The following COL9A1 variants were observed in gnomAD, a reference collection of about 807,000 sequenced individuals.
The protein encoded by COL9A1 is collagen alpha-1(IX) chain.
COL9A1 carries 104 observed loss-of-function variants against 142.6 expected under a neutral mutation model. That is an observed-to-expected ratio of 0.73 (90% confidence interval 0.62 to 0.86). The LOEUF is 0.86. Among genes scored for constraint, COL9A1 ranks in the 40% least tolerant of loss-of-function variants. COL9A1 has a pLI of 0.00. For missense variants in COL9A1, 1,210 were observed against 1,176.6 expected (o/e 1.03, Z -0.42); for synonymous variants, 466 against 396.0 (o/e 1.18, Z -2.10).
At chr6:70,291,436 T>C (rs928502591) in intron 5 of COL9A1, among the ~76,000 whole-genome samples, 1 of 151,870 alleles carries the variant, frequency 6.6e-6, no homozygotes, top group Non-Finnish European at 1.5e-5. Context: ...AGTGAGGAGA[T>C]TTTTTTCTAT....
rs1200057004 is a variant in COL9A1, at chr6:70,217,029, G to A, written c.2634C>T (p.Gly878=). Residue 878 remains glycine (G), a synonymous_variant, in exon 38 of 38, where the codon GGC becomes GGT. Coordinates refer to ENST00000357250, the MANE Select transcript of COL9A1 (RefSeq NM_001851.6). ...YGRNGRDGER[G]PPGVAGIPGV... ...CAGGAATTCCTGCCACCCCTGGGGG[G>A]CCTCGCTCACCGTCTCGGCCATTTC... The A allele has an allele frequency of 1.2e-6, 2 of 1,614,050 alleles. No homozygotes were observed. Among genetic ancestry groups the A allele is most frequent in the Non-Finnish European group, 1.7e-6 (2 of 1,180,050 alleles).
At position 70,283,753 on chromosome 6, in the gene COL9A1, A is replaced by C; in HGVS notation, c.764T>G (p.Leu255Arg). ...GGGACTCACCGTTATTCTGGCTGGCAGCTCATGGCAAGTTTCTCTCCTGGG... is the reference window on the plus strand; with the variant it reads ...GGGACTCACCGTTATTCTGGCTGGCCGCTCATGGCAAGTTTCTCTCCTGGG... Reference protein sequence around the residue: ...LRPRRETCHELPARITPSQTT... With the variant: ...LRPRRETCHERPARITPSQTT... Residue 255 changes from leucine (L) to arginine (R), a missense_variant, in exon 6 of 38, where the codon CTG becomes CGG. Leu to Arg is a moderately radical substitution (Grantham distance 102). Coordinates refer to ENST00000357250, the MANE Select transcript of COL9A1 (RefSeq NM_001851.6). The C allele has an allele frequency of 6.2e-7, 1 of 1,611,680 alleles. No homozygotes were observed. The highest frequency in any genetic ancestry group is 8.5e-7 in the Non-Finnish European group (1 of 1,179,068).
intron 28 of COL9A1, among the ~76,000 whole-genome samples, chr6:70,248,220 A>T (rs1184707285): frequency 1.3e-5 from 2 of 152,218 alleles, no homozygotes; most frequent in Non-Finnish European, 2.9e-5. Context: ...CACCCAGACC[A>T]GGTGAAAACC....
intron 19 of COL9A1, among the ~76,000 whole-genome samples, chr6:70,262,023 G>A (rs1583284704): frequency 1.3e-5 from 2 of 152,090 alleles, no homozygotes; most frequent in Non-Finnish European, 2.9e-5. Flanking sequence ...CTTGAGCCAC[G>A]CAGTACCCAA....
In COL9A1 at chr6:70,294,329, G is replaced by A. The variant is rs372014032; in HGVS notation, c.534C>T (p.Ser178=). ...CGCCAATCATGATCTTATGCCACTGGGAATCAAACAAGGAGGACAAATTCG... is the reference window on the plus strand; with the variant it reads ...CGCCAATCATGATCTTATGCCACTGAGAATCAAACAAGGAGGACAAATTCG... ...AFSNLSSLFD[S]QWHKIMIGVE... Residue 178 remains serine (S), a synonymous_variant, in exon 5 of 38, where the codon TCC becomes TCT. Transcript: ENST00000357250. 2.5e-6 allele frequency: 4 copies of A among 1,613,876 alleles called. No individual in the cohort carries two copies. The highest frequency in any genetic ancestry group is 1.1e-5 in the South Asian group (1 of 91,086).
intron 7 of COL9A1, 109 bp from the exon 8 acceptor site, chr6:70,281,573 A>T: frequency 2.4e-6 from 2 of 818,210 alleles, no homozygotes; most frequent in Non-Finnish European, 3.8e-6. Context: ...TACCTTCCAG[A>T]GGAGGCCGGG....
At chr6:70,252,197 A>C in intron 27 of COL9A1, 24 bp from the exon 28 acceptor site, 1 of 1,614,190 alleles carries the variant, frequency 6.2e-7, no homozygotes. Context: ...GGAAGGTAGA[A>C]AAAAAGTTAA....
At chr6:70,244,218 T>G (rs1290766963) in intron 28 of COL9A1, among the ~76,000 whole-genome samples, 2 of 152,220 alleles carry the variant, frequency 1.3e-5, no homozygotes, top group Admixed American at 1.3e-4. Flanking sequence ...TTTCAACAAC[T>G]TTATATAAAC....
At chr6:70,242,335 C>T (rs1770313998) in intron 29 of COL9A1, among the ~76,000 whole-genome samples, 1 of 152,170 alleles carries the variant, frequency 6.6e-6, no homozygotes, top group Non-Finnish European at 1.5e-5. Context: ...GCTGCTGCTC[C>T]TCTAGCTATG....
intron 29 of COL9A1, 157 bp from the exon 30 acceptor site, chr6:70,242,192 C>T: frequency 1.4e-6 from 1 of 711,494 alleles, no homozygotes. Context: ...TTCATATTCT[C>T]AGGAGAAGAG....
rs1774016354 is a variant in COL9A1 at position 70,300,345 on chromosome 6, A to G, written c.130T>C (p.Cys44Arg). 1 of 1,613,740 alleles carries G rather than the reference A, an allele frequency of 6.2e-7. No homozygotes were observed. Among genetic ancestry groups the G allele is most frequent in the Admixed American group, 1.7e-5 (1 of 59,994 alleles). ...NSNSNGGNEL[C>R]PKIRIGQDDL... ...TCTTGGCCAATCCTGATCTTTGGAC[A>G]GAGTTCATTTCCACCATTAGAATTG... The change falls in exon 3 of 38, where the codon TGT (cysteine) becomes CGT (arginine). Residue 44 changes from cysteine (C) to arginine (R), a missense_variant. Cys to Arg is a radical substitution (Grantham distance 180). Transcript: ENST00000357250.
intron 6 of COL9A1, 125 bp from the exon 7 acceptor site, chr6:70,283,043 T>C (rs978993914): frequency 4.4e-6 from 7 of 1,598,090 alleles, no homozygotes; most frequent in Non-Finnish European, 4.3e-6. Flanking sequence ...TCCCGCGCAG[T>C]CCAGGCCATG....
chr6:70,245,678 C>A (rs188526758), intron 28 of COL9A1: 2 of 152,168 alleles, frequency 1.3e-5, no homozygotes, highest in Non-Finnish European at 2.9e-5. Flanking sequence ...GAATTGGCCG[C>A]GCATGGTGGT....
chr6:70,269,507 C>A (rs1772255378), intron 16 of COL9A1, 126 bp downstream of exon 16: 1 of 715,742 alleles, frequency 1.4e-6, no homozygotes, highest in Admixed American at 2.1e-5. Flanking sequence ...GACTGCTCTG[C>A]CATTTGAGTG....
At chr6:70,252,607 A>G (rs909272522) in intron 26 of COL9A1, among the ~76,000 whole-genome samples, 8 of 152,202 alleles carry the variant, frequency 5.3e-5, no homozygotes, top group African/African-American at 1.7e-4. Context: ...TTCTTTCTTC[A>G]CAATATTAAT....
At chr6:70,238,598 A>G (rs1166413626) in intron 33 of COL9A1, among the ~76,000 whole-genome samples, 1 of 152,234 alleles carries the variant, frequency 6.6e-6, no homozygotes, top group African/African-American at 2.4e-5. Context: ...AAATTTAGTT[A>G]TACTGTTGAC....
chr6:70,249,739 C>G (rs1291104237), intron 28 of COL9A1, among the ~76,000 whole-genome samples: 1 of 152,092 alleles, frequency 6.6e-6, no homozygotes, highest in Non-Finnish European at 1.5e-5. Flanking sequence ...AGCATAGCCT[C>G]CTATGATTTG....
At chr6:70,285,871 A>C (rs1433735411) in intron 5 of COL9A1, among the ~76,000 whole-genome samples, 2 of 151,984 alleles carry the variant, frequency 1.3e-5, no homozygotes, top group Admixed American at 6.6e-5. Flanking sequence ...TTATTCAATT[A>C]TTTTCTTTTC....
At chr6:70,221,746 G>A (rs1336104757) in intron 37 of COL9A1, among the ~76,000 whole-genome samples, 1 of 152,152 alleles carries the variant, frequency 6.6e-6, no homozygotes, top group African/African-American at 2.4e-5. Flanking sequence ...AGGAAGTCAG[G>A]ACTCTTTATT....
Sources: gnomAD v4.1 joint callset for allele counts (sites outside exome capture counted in the v4.1 genomes callset) on GRCh38, gnomAD v4.1.1 for gene constraint, MANE v1.5 for transcripts, NCBI Gene and HGNC (gene_info 2026-07-23, HGNC 2026-07-21) for gene names.